The following IL1RN variants were observed in gnomAD, a reference collection of about 807,000 sequenced individuals.
IL1RN encodes interleukin-1 receptor antagonist protein.
In IL1RN, 10 loss-of-function variants were observed where a neutral mutation model predicts 13.7. The observed-to-expected ratio is 0.73, with a 90% CI of 0.45 to 1.24. The LOEUF (loss-of-function observed/expected upper bound fraction) is 1.24, where lower values mean the gene tolerates loss of function less well. IL1RN is among the 50% of genes most tolerant of loss of function. IL1RN has a pLI of 0.00. For missense variants in IL1RN, 213 were observed against 222.1 expected (o/e 0.96, Z 0.26); for synonymous variants, 102 against 82.7 (o/e 1.23, Z -1.27).
At chr2:113,106,579 A>G (rs1169631432), upstream of IL1RN, among the ~76,000 whole-genome samples, 1 of 152,162 alleles carries the variant, frequency 6.6e-6, no homozygotes, top group African/African-American at 2.4e-5. Flanking sequence ...TTAGAGGGTC[A>G]ATATTATAAA....
intron 1 of IL1RN, among the ~76,000 whole-genome samples, chr2:113,111,460 T>G (rs1427171142): frequency 6.6e-6 from 1 of 152,212 alleles, no homozygotes. Context: ...TGTTGTGGAA[T>G]TTCATTGAGA....
chr2:113,109,266 G>A (rs1020364247), upstream of IL1RN, among the ~76,000 whole-genome samples: 9 of 152,224 alleles, frequency 5.9e-5, no homozygotes, highest in African/African-American at 9.6e-5. Context: ...TTCAAAATTA[G>A]CTGGGTGTGG....
intron 1 of IL1RN, among the ~76,000 whole-genome samples, chr2:113,118,972 G>C (rs1686676730): frequency 6.6e-6 from 1 of 152,176 alleles, no homozygotes. Flanking sequence ...GGGAGGTAGA[G>C]GTTGCAGTGA....
At chr2:113,127,435 C>T (rs1686999431), upstream of IL1RN, 3 of 1,384,622 alleles carry the variant, frequency 2.2e-6, no homozygotes, top group Admixed American at 3.0e-5. Flanking sequence ...TACAACACTC[C>T]ATTGCGACAC....
intron 2 of IL1RN, among the ~76,000 whole-genome samples, chr2:113,121,806 G>T (rs1417818479): frequency 6.6e-6 from 1 of 152,226 alleles, no homozygotes; most frequent in Non-Finnish European, 1.5e-5. Flanking sequence ...AACCTGTCCT[G>T]CTGCCTTAGG....
upstream of IL1RN, among the ~76,000 whole-genome samples, chr2:113,126,990 T>C (rs7598872): frequency 7.4e-4 from 113 of 152,350 alleles, no homozygotes; most frequent in African/African-American, 2.7e-3. Flanking sequence ...TCCGGTCCAT[T>C]CCCCGCTTTT....
At chr2:113,113,657 T>C (rs778179309), upstream of IL1RN, among the ~76,000 whole-genome samples, 5 of 152,170 alleles carry the variant, frequency 3.3e-5, no homozygotes, top group South Asian at 2.1e-4. Context: ...ATGGCCTTGA[T>C]GGTGGTGATG....
chr2:113,105,692 T>C (rs1158851695), upstream of IL1RN, among the ~76,000 whole-genome samples: 5 of 152,274 alleles, frequency 3.3e-5, no homozygotes, highest in Non-Finnish European at 5.9e-5. Flanking sequence ...TCATGTTTAC[T>C]ACCCCATATT....
At chr2:113,120,383 T>C (rs1573288960) in intron 2 of IL1RN, among the ~76,000 whole-genome samples, 1 of 152,226 alleles carries the variant, frequency 6.6e-6, no homozygotes, top group East Asian at 1.9e-4. Flanking sequence ...TATCTATCTA[T>C]CTGTTGTCTA....
At position 113,131,174 on chromosome 2, in the gene IL1RN, G is replaced by A. The variant is rs373621697; in HGVS notation, c.318+17G>A. The stretch of plus-strand genomic sequence containing the variant: ...CAGCTGGAGGTAAAAACATGCTTTG[G>A]ATCTCAAATCACCCCAAAACCCAGT... On this transcript the variant is annotated intron_variant, in intron 3 of 3. Transcript: ENST00000409930. 3.0e-5 allele frequency: 45 copies of A among 1,517,284 alleles called. No homozygotes were observed. Among genetic ancestry groups the A allele is most frequent in the Middle Eastern group, 3.4e-4 (2 of 5,922 alleles). 94.0% of individuals were successfully genotyped at this position (1,517,284 alleles called of 1,614,324 possible). A position where few individuals can be genotyped will look rare whatever the true frequency, so the allele number is the denominator to read the frequency against.
chr2:113,111,748 GC>G (rs2104424631), intron 1 of IL1RN, among the ~76,000 whole-genome samples: 1 of 152,380 alleles, frequency 6.6e-6, no homozygotes, highest in African/African-American at 2.4e-5. Context: ...TGAGGACCCA[GC>G]CATTAAATGC....
At chr2:113,127,832 G>A (rs1573302109) in intron 1 of IL1RN, 92 bp downstream of exon 1, 2 of 1,312,632 alleles carry the variant, frequency 1.5e-6, no homozygotes, top group South Asian at 2.4e-5. Flanking sequence ...GCCCCAGAGG[G>A]CCTGAGAACT....
upstream of IL1RN, among the ~76,000 whole-genome samples, chr2:113,127,112 T>C (rs556282951): frequency 6.6e-6 from 1 of 152,314 alleles, no homozygotes; most frequent in Non-Finnish European, 1.5e-5. Context: ...AAACCTAAAA[T>C]ATTTACTATC....
the IL1RN span, among the ~76,000 whole-genome samples, chr2:113,101,506 G>T: frequency 6.6e-6 from 1 of 151,992 alleles, no homozygotes; most frequent in Non-Finnish European, 1.5e-5. Context: ...ATAAAAGAAA[G>T]GCCATTTTTA....
At chr2:113,122,533 T>G (rs973535487) in intron 2 of IL1RN, among the ~76,000 whole-genome samples, 11 of 152,144 alleles carry the variant, frequency 7.2e-5, no homozygotes, top group Non-Finnish European at 1.5e-4. Flanking sequence ...AAATGGAAAC[T>G]TTTATTGGAG....
upstream of IL1RN, among the ~76,000 whole-genome samples, chr2:113,102,536 G>A (rs1040013008): frequency 2.6e-5 from 4 of 152,180 alleles, no homozygotes; most frequent in Admixed American, 6.5e-5. Context: ...CGTGTCACGT[G>A]CGTCTGTGTG....
intron 1 of IL1RN, among the ~76,000 whole-genome samples, chr2:113,127,977 G>A (rs1323437820): frequency 1.3e-5 from 2 of 152,254 alleles, no homozygotes; most frequent in East Asian, 1.9e-4. Context: ...CAGAGACTCA[G>A]GAACCCAGTG....
intron 2 of IL1RN, chr2:113,129,876 CAG>C: frequency 1.8e-6 from 1 of 567,384 alleles, no homozygotes; most frequent in South Asian, 1.9e-5. Flanking sequence ...GAGTCTAGGT[CAG>C]AGGTCAGTGC....
At chr2:113,099,723 CTTTTCTTTTTTTTTTTTT>C in the IL1RN span, among the ~76,000 whole-genome samples, 2 of 72,222 alleles carry the variant, frequency 2.8e-5, no homozygotes, top group African/African-American at 5.3e-5. Flanking sequence ...CCTCTTCTTT[CTTTTCTTTTTTTTTTTTT>C]TTTTTTTTTT....
Sources: allele counts gnomAD v4.1 joint callset (sites outside exome capture counted in the v4.1 genomes callset), GRCh38; gene constraint gnomAD v4.1.1; transcripts MANE v1.5; gene names NCBI Gene and HGNC (gene_info 2026-07-23, HGNC 2026-07-21).